The following BACH2 variants were observed in gnomAD, a reference collection of about 807,000 sequenced individuals.
BACH2 encodes transcription regulator protein BACH2.
A neutral mutation model predicts 61.8 loss-of-function variants in BACH2; 5 were observed. The ratio of observed to expected loss-of-function variants is 0.08; its 90% CI spans 0.04 to 0.17. The LOEUF is 0.17. BACH2 is among the 10% of genes least tolerant of loss of function. BACH2 has a pLI of 1.00. For synonymous variants in BACH2, 446 were observed against 440.1 expected (o/e 1.01, Z -0.17); for missense variants, 824 against 1,091.1 (o/e 0.76, Z 3.45).
chr6:90,243,286 T>C (rs184185138), intron 3 of BACH2, among the ~76,000 whole-genome samples: 68 of 152,278 alleles, frequency 4.5e-4, no homozygotes, highest in African/African-American at 1.6e-3. Context: ...TTAAAGGTTA[T>C]GCAATTCTTA....
intron 4 of BACH2, among the ~76,000 whole-genome samples, chr6:90,172,276 A>G (rs1767840128): frequency 6.7e-6 from 1 of 149,432 alleles, no homozygotes; most frequent in South Asian, 2.1e-4. Flanking sequence ...ATTGCACTAC[A>G]GCCCGGGTGA....
chr6:90,157,277 T>C (rs1785027371), intron 4 of BACH2, among the ~76,000 whole-genome samples: 1 of 152,184 alleles, frequency 6.6e-6, no homozygotes, highest in Non-Finnish European at 1.5e-5. Context: ...AATCAACATA[T>C]TCACTTGGTA....
intron 4 of BACH2, among the ~76,000 whole-genome samples, chr6:90,204,494 A>G (rs1769071598): frequency 6.6e-6 from 1 of 152,178 alleles, no homozygotes; most frequent in African/African-American, 2.4e-5. Flanking sequence ...TTAAAACAAT[A>G]TAAAATAAAG....
intron 6 of BACH2, among the ~76,000 whole-genome samples, chr6:89,993,886 C>G (rs191631765): frequency 4.6e-5 from 7 of 151,646 alleles, no homozygotes; most frequent in Admixed American, 4.6e-4. Flanking sequence ...TTTATAAAAC[C>G]CAGTTGAGGA....
intron 5 of BACH2, among the ~76,000 whole-genome samples, chr6:90,040,262 T>G (rs1010265975): frequency 6.6e-6 from 1 of 152,178 alleles, no homozygotes; most frequent in Non-Finnish European, 1.5e-5. Flanking sequence ...GGTGTAAATA[T>G]GAACCACCAA....
intron 4 of BACH2, among the ~76,000 whole-genome samples, chr6:90,133,579 T>C (rs1264936557): frequency 5.9e-5 from 9 of 152,212 alleles, no homozygotes; most frequent in Non-Finnish European, 1.3e-4. Context: ...TTAGGGTACA[T>C]GTGCACAACG....
intron 4 of BACH2, among the ~76,000 whole-genome samples, chr6:90,122,384 G>A (rs150465188): frequency 2.4e-4 from 37 of 152,114 alleles, no homozygotes; most frequent in African/African-American, 8.2e-4. Context: ...AACCCAGTTC[G>A]CCCTCCCTTA....
At chr6:90,199,976 C>T (rs528412933) in intron 4 of BACH2, among the ~76,000 whole-genome samples, 91 of 152,282 alleles carry the variant, frequency 6.0e-4, no homozygotes, top group Admixed American at 1.8e-3. Context: ...GGCCCTTTTA[C>T]AGGCTCACAA....
At chr6:89,960,607 G>C (rs777317701) in intron 6 of BACH2, among the ~76,000 whole-genome samples, 1 of 152,214 alleles carries the variant, frequency 6.6e-6, no homozygotes, top group Non-Finnish European at 1.5e-5. Context: ...CCTCCTGAAG[G>C]ATGAAGATAA....
chr6:90,259,750 T>C (rs1205717893), intron 2 of BACH2, among the ~76,000 whole-genome samples: 1 of 152,180 alleles, frequency 6.6e-6, no homozygotes, highest in Non-Finnish European at 1.5e-5. Context: ...CTATTTGTGA[T>C]TGGTCTGTTA....
chr6:90,059,981 G>C (rs1221626216), intron 5 of BACH2, among the ~76,000 whole-genome samples: 4 of 115,128 alleles, frequency 3.5e-5, no homozygotes, highest in Non-Finnish European at 7.0e-5. Flanking sequence ...GTTGTGGGGT[G>C]GGGGGAGGGG....
At chr6:90,259,518 T>C (rs1161923326) in intron 2 of BACH2, among the ~76,000 whole-genome samples, 1 of 152,200 alleles carries the variant, frequency 6.6e-6, no homozygotes, top group Admixed American at 6.5e-5. Flanking sequence ...TCAGAGAAAT[T>C]GGGTTTAAAT....
chr6:90,023,480 C>G (rs564865634), intron 5 of BACH2, among the ~76,000 whole-genome samples: 2 of 152,278 alleles, frequency 1.3e-5, no homozygotes, highest in South Asian at 4.2e-4. Context: ...TTTCCTGAGG[C>G]CTCCCCACAA....
At chr6:90,007,050 C>T (rs151106988) in intron 6 of BACH2, among the ~76,000 whole-genome samples, 24 of 152,048 alleles carry the variant, frequency 1.6e-4, no homozygotes, top group African/African-American at 5.8e-4. Context: ...TAGACAAACA[C>T]AAATAGTGTT....
At chr6:90,179,728 G>T (rs958164820) in intron 4 of BACH2, among the ~76,000 whole-genome samples, 1 of 151,964 alleles carries the variant, frequency 6.6e-6, no homozygotes, top group African/African-American at 2.4e-5. Context: ...AAAATCTAAG[G>T]TATTATGATT....
At chr6:90,092,125 G>A (rs1782183763) in intron 4 of BACH2, among the ~76,000 whole-genome samples, 1 of 151,420 alleles carries the variant, frequency 6.6e-6, no homozygotes, top group South Asian at 2.1e-4. Flanking sequence ...TAACGCAAAC[G>A]ATTACCAGAC....
intron 6 of BACH2, among the ~76,000 whole-genome samples, chr6:89,997,162 T>C (rs1315378459): frequency 6.6e-6 from 1 of 152,170 alleles, no homozygotes; most frequent in Non-Finnish European, 1.5e-5. Flanking sequence ...CTATTTCTTC[T>C]TGTCAGTGAA....
chr6:90,200,894 GAACA>G (rs1768935099), intron 4 of BACH2, among the ~76,000 whole-genome samples: 1 of 152,068 alleles, frequency 6.6e-6, no homozygotes, highest in Non-Finnish European at 1.5e-5. Flanking sequence ...AGAAAATCTA[GAACA>G]TACAAGCAAA....
intron 7 of BACH2, among the ~76,000 whole-genome samples, chr6:89,939,652 A>ATT (rs1584503876): frequency 1.2e-5 from 1 of 85,916 alleles, no homozygotes; most frequent in Non-Finnish European, 2.4e-5. Flanking sequence ...GATTGCTTAT[A>ATT]TTTCTTTTTT....
Sources: allele counts gnomAD v4.1 joint callset (sites outside exome capture counted in the v4.1 genomes callset), GRCh38; gene constraint gnomAD v4.1.1; transcripts MANE v1.5; gene names NCBI Gene and HGNC (gene_info 2026-07-23, HGNC 2026-07-21).